Variants in CSGALNACT1 observed in about 807,000 individuals in gnomAD.
CSGALNACT1 encodes the protein chondroitin sulfate N-acetylgalactosaminyltransferase 1, also known as beta4GalNAcT-1.
Under a neutral mutation model 51.0 loss-of-function variants are expected in CSGALNACT1, and 52 were observed. The ratio of observed to expected loss-of-function variants is 1.02; its 90% CI spans 0.82 to 1.29. The LOEUF (loss-of-function observed/expected upper bound fraction) is 1.29. Among genes scored for constraint, CSGALNACT1 ranks in the 50% most tolerant of loss-of-function variants. The pLI, the probability that CSGALNACT1 is intolerant of heterozygous loss-of-function variation, is 0.00. For synonymous variants in CSGALNACT1, 341 were observed against 254.4 expected, an observed-to-expected ratio of 1.34 and a Z score of -3.24; for missense variants, 935 against 679.2, an observed-to-expected ratio of 1.38 and a Z score of -4.19.
rs761580015 is a variant in CSGALNACT1, at chr8:19,513,219, G to C, written c.-296-7089C>G. ...CATGCACTAGACACTGAATATTAGA[G>C]GTGGGTGGTAGCACCCAGGACATAG... On this transcript the variant is annotated intron_variant, in intron 3 of 9. Coordinates refer to ENST00000454498, the Ensembl canonical transcript of CSGALNACT1. Among the ~76,000 whole-genome samples the C allele has an allele frequency of 2.6e-5, 4 of 152,068 alleles. No homozygotes were observed. In the East Asian group the frequency reaches 7.8e-4, roughly 30 times the overall value.
upstream of CSGALNACT1, among the ~76,000 whole-genome samples, chr8:19,686,493 G>A (rs1202765050): frequency 1.3e-5 from 2 of 152,152 alleles, no homozygotes; most frequent in African/African-American, 4.8e-5. Context: ...CCAGTGAAAT[G>A]CACCCAGCTG....
intron 3 of CSGALNACT1, among the ~76,000 whole-genome samples, chr8:19,548,837 T>C (rs1374881622): frequency 6.6e-6 from 1 of 152,194 alleles, no homozygotes; most frequent in Non-Finnish European, 1.5e-5. Flanking sequence ...TCCCTTTATT[T>C]GAGAGAGGTC....
intron 1 of CSGALNACT1, among the ~76,000 whole-genome samples, chr8:19,607,650 G>T (rs79763544): frequency 6.6e-6 from 1 of 152,186 alleles, no homozygotes; most frequent in Non-Finnish European, 1.5e-5. Context: ...AATGAGGCCT[G>T]AACAGTGTTT....
chr8:19,594,604 C>T lies in CSGALNACT1; in HGVS notation c.-415-3326G>A, dbSNP rs191397160. Among the ~76,000 whole-genome samples, 165 of 152,268 alleles carry T rather than the reference C, an allele frequency of 1.1e-3. 1 individual carries two copies. Among genetic ancestry groups the T allele is most frequent in the Middle Eastern group, 0.01 (3 of 294 alleles). On this transcript the variant is annotated intron_variant, in intron 2 of 9. Coordinates refer to ENST00000454498, the Ensembl canonical transcript of CSGALNACT1. ...AAATTAGTCACAAGGAGTGCAATGG[C>T]GTGATCTCTGCTCACTGCAACCTCC...
chr8:19,644,982 A>AT (rs903275636), intron 1 of CSGALNACT1, among the ~76,000 whole-genome samples: 2 of 152,186 alleles, frequency 1.3e-5, no homozygotes, highest in Non-Finnish European at 2.9e-5. Flanking sequence ...CAAGAAACAA[A>AT]TTTAAGAGTA....
intron 1 of CSGALNACT1, among the ~76,000 whole-genome samples, chr8:19,608,266 C>T (rs1017927572): frequency 2.0e-5 from 3 of 152,326 alleles, no homozygotes; most frequent in Non-Finnish European, 2.9e-5. Context: ...GGCAGCCCAA[C>T]ATAACAAATT....
chr8:19,554,826 G>T (rs946061507), intron 3 of CSGALNACT1, among the ~76,000 whole-genome samples: 1 of 152,086 alleles, frequency 6.6e-6, no homozygotes, highest in African/African-American at 2.4e-5. Context: ...GCTGAGACAG[G>T]ATAATCACTT....
In CSGALNACT1 at chr8:19,644,400, C is replaced by G. The variant is rs555330551; in HGVS notation, c.-544+38073G>C. On this transcript the variant is annotated intron_variant, in intron 1 of 9. Transcript: ENST00000332246. ...ATACACCTGAAAAACAGTTCTTAACCTCTCAAAAAAAAAAAAAGGTAATGA... is the reference window on the plus strand; with the variant it reads ...ATACACCTGAAAAACAGTTCTTAACGTCTCAAAAAAAAAAAAAGGTAATGA... Among the ~76,000 whole-genome samples the G allele has an allele frequency of 2.8e-3, 416 of 146,334 alleles. 1 individual carries two copies. The highest frequency in any genetic ancestry group is 4.1e-3 in the Non-Finnish European group (270 of 66,334).
intron 4 of CSGALNACT1, among the ~76,000 whole-genome samples, chr8:19,500,690 T>C (rs891674204): frequency 1.2e-4 from 19 of 152,348 alleles, no homozygotes; most frequent in Admixed American, 1.2e-3. Flanking sequence ...TACAGGAGGT[T>C]GGCATTGACT....
chr8:19,583,837 A>C (rs1221111032), intron 3 of CSGALNACT1, among the ~76,000 whole-genome samples: 3 of 152,226 alleles, frequency 2.0e-5, no homozygotes, highest in African/African-American at 4.8e-5. Context: ...GAGCAATTAG[A>C]ATAATATTTC....
At chr8:19,662,505 A>C (rs957013244) in intron 1 of CSGALNACT1, among the ~76,000 whole-genome samples, 3 of 152,236 alleles carry the variant, frequency 2.0e-5, no homozygotes, top group Admixed American at 2.0e-4. Context: ...TTTGGGTGAA[A>C]AAGGTTCACA....
rs200681069 is a variant in CSGALNACT1, at chr8:19,701,276, C to T, written c.-297+56574G>A. The stretch of plus-strand genomic sequence containing the variant: ...GTTCAAGTAATTCTCGTGCCTCAGC[C>T]TCCTGGCTAGCTAGGATTACAGATG... On this transcript the variant is annotated intron_variant, in intron 1 of 1. Coordinates refer to the CSGALNACT1 transcript ENST00000517494. 4.0e-5 allele frequency among the ~76,000 whole-genome samples: 6 copies of T among 149,684 alleles called. No individual in the cohort carries two copies. The East Asian group carries it at 1.2e-3, about 30-fold the overall frequency.
At chr8:19,717,749 T>C (rs113038250) in intron 1 of CSGALNACT1, among the ~76,000 whole-genome samples, 1 of 152,226 alleles carries the variant, frequency 6.6e-6, no homozygotes, top group Non-Finnish European at 1.5e-5. Flanking sequence ...CTTTTTTCTG[T>C]AGGTTATGTT....
chr8:19,641,906 G>A (rs2056784032), intron 1 of CSGALNACT1: 1 of 152,186 alleles, frequency 6.6e-6, no homozygotes, highest in South Asian at 2.1e-4. Flanking sequence ...GGCTCCATGA[G>A]GTTTCTGCCT....
At position 19,439,557 on chromosome 8, in the gene CSGALNACT1, T is replaced by C. The variant is rs1289096876; in HGVS notation, c.953+273A>G. On this transcript the variant is annotated intron_variant, in intron 6 of 9. Coordinates refer to ENST00000454498, the Ensembl canonical transcript of CSGALNACT1. ...TGATGACACCCAGTTATATGGAAGC[T>C]CAAAGGAGCTCACACTCCCCTCACC... 3.3e-5 allele frequency among the ~76,000 whole-genome samples: 5 copies of C among 152,264 alleles called. No homozygotes were observed. In the East Asian group the frequency reaches 7.7e-4, roughly 24 times the overall value.
At chr8:19,736,246 T>A (rs748624768) in intron 1 of CSGALNACT1, among the ~76,000 whole-genome samples, 12 of 152,166 alleles carry the variant, frequency 7.9e-5, no homozygotes, top group Non-Finnish European at 1.3e-4. Context: ...ATAAATAAAG[T>A]TTTATTAGAA....
chr8:19,748,543 C>T (rs1379959674), intron 1 of CSGALNACT1, among the ~76,000 whole-genome samples: 1 of 152,182 alleles, frequency 6.6e-6, no homozygotes, highest in Non-Finnish European at 1.5e-5. Context: ...TCTGCCATAA[C>T]AGTTGACACA....
chr8:19,429,368 G>T lies in CSGALNACT1; in HGVS notation c.954-8850C>A, dbSNP rs2059303941. Reference sequence around the variant, plus strand: ...ATTTTTATATTTTTAGTAGATATGGGGTTTCACCATGTTGGCCAGGCTGGT... The same window carrying T: ...ATTTTTATATTTTTAGTAGATATGGTGTTTCACCATGTTGGCCAGGCTGGT... On this transcript the variant is annotated intron_variant, in intron 6 of 9. Transcript: ENST00000454498. Among the ~76,000 whole-genome samples the T allele has an allele frequency of 2.6e-5, 4 of 152,078 alleles. No homozygotes were observed. In the South Asian group the frequency reaches 8.3e-4, roughly 32 times the overall value.
At chr8:19,422,710 T>C (rs1360364529) in intron 6 of CSGALNACT1, among the ~76,000 whole-genome samples, 7 of 152,204 alleles carry the variant, frequency 4.6e-5, no homozygotes, top group Admixed American at 4.6e-4. Flanking sequence ...ATTCAGATGG[T>C]GTGAGGTCAC....
Sources: gnomAD v4.1 joint callset for allele counts (sites outside exome capture counted in the v4.1 genomes callset) on GRCh38, gnomAD v4.1.1 for gene constraint, MANE v1.5 for transcripts, NCBI Gene and HGNC (gene_info 2026-07-23, HGNC 2026-07-21) for gene names.